Variants in LPAR6 observed in about 807,000 individuals in gnomAD.
The protein encoded by LPAR6 is G-protein coupled purinergic receptor P2Y5.
LPAR6 carries 17 observed loss-of-function variants against 22.0 expected under a neutral mutation model. The ratio of observed to expected loss-of-function variants is 0.77; its 90% CI spans 0.53 to 1.16. The LOEUF (loss-of-function observed/expected upper bound fraction) is 1.16, where lower values mean the gene tolerates loss of function less well. Among genes scored for constraint, LPAR6 ranks in the 50% most tolerant of loss-of-function variants. The pLI, the probability that LPAR6 is intolerant of heterozygous loss-of-function variation, is 0.00. For synonymous variants in LPAR6, 136 were observed against 139.8 expected, an observed-to-expected ratio of 0.97 and a Z score of 0.19; for missense variants, 384 against 406.9, an observed-to-expected ratio of 0.94 and a Z score of 0.48.
downstream of LPAR6, among the ~76,000 whole-genome samples, chr13:48,410,463 A>G (rs1948783601): frequency 6.6e-6 from 1 of 152,212 alleles, no homozygotes; most frequent in South Asian, 2.1e-4. Context: ...TTACCTAAGC[A>G]AGCATCATAA....
At chr13:48,444,580 G>A (rs745715824) in exon 1 of LPAR6, 1 of 152,292 alleles carries the variant, frequency 6.6e-6, no homozygotes, top group African/African-American at 2.4e-5. Flanking sequence ...TATTGCAAAG[G>A]ATACAGATGA....
chr13:48,397,213 T>C (rs1303089798), intron 1 of LPAR6, among the ~76,000 whole-genome samples: 1 of 152,212 alleles, frequency 6.6e-6, no homozygotes, highest in Non-Finnish European at 1.5e-5. Flanking sequence ...ATTGCAGCAC[T>C]ATTCACAATA....
upstream of LPAR6, chr13:48,416,439 G>A (rs890208759): frequency 6.6e-6 from 1 of 152,574 alleles, no homozygotes; most frequent in Middle Eastern, 3.4e-3. Flanking sequence ...ACAACCCTTA[G>A]ACCAGGCAAT....
chr13:48,414,217 C>T (rs1233798198), upstream of LPAR6, among the ~76,000 whole-genome samples: 6 of 151,804 alleles, frequency 4.0e-5, no homozygotes, highest in Admixed American at 1.3e-4. Context: ...GGCAATAGTG[C>T]GTGCCTGTAG....
chr13:48,442,530 A>G (rs1344513122), intron 1 of LPAR6, among the ~76,000 whole-genome samples: 1 of 152,124 alleles, frequency 6.6e-6, no homozygotes, highest in Non-Finnish European at 1.5e-5. Flanking sequence ...TTCCTACTGT[A>G]CTTAGGATAA....
intron 1 of LPAR6, among the ~76,000 whole-genome samples, chr13:48,398,575 C>T (rs1447230143): frequency 1.3e-5 from 2 of 151,800 alleles, no homozygotes; most frequent in African/African-American, 4.8e-5. Flanking sequence ...TACTTCATTA[C>T]ACTTCCCTAG....
rs61741709 is a variant in LPAR6 at position 48,411,789 on chromosome 13, G to C, written c.635C>G (p.Thr212Ser). ...TCSSMVLKTL[T>S]KPVTLSRSKI... ...GCTTCTACTTAATGTAACAGGTTTG[G>C]TTAAAGTTTTTAGCACCATACTAGA... The change falls in exon 1 of 1, where the codon ACC becomes AGC. Residue 212 changes from threonine to serine, a missense_variant. Physicochemically the swap from Thr to Ser is moderately conservative, Grantham distance 58 (BLOSUM62 1). Coordinates refer to ENST00000620633, the MANE Select transcript of LPAR6 (RefSeq NM_001162498.3). 243 of 1,612,130 alleles carry C rather than the reference G, an allele frequency of 1.5e-4. No individual in the cohort carries two copies. The highest frequency in any genetic ancestry group is 1.5e-4 in the Admixed American group (9 of 59,950).
chr13:48,415,800 T>C (rs907899746), upstream of LPAR6: 4 of 152,226 alleles, frequency 2.6e-5, no homozygotes, highest in African/African-American at 7.2e-5. Context: ...GGAAGAGCCA[T>C]AGCAGAGGGA....
rs1414648992 is a variant in LPAR6, at chr13:48,404,596, C to T, written n.114+11104G>A. Among the ~76,000 whole-genome samples the T allele has an allele frequency of 2.6e-5, 4 of 151,820 alleles. No homozygotes were observed. In the East Asian group the frequency reaches 5.8e-4, roughly 22 times the overall value. On this transcript the variant is annotated intron_variant and non_coding_transcript_variant, in intron 1 of 1. Transcript: ENST00000462781. ...GGCTGGAGTGCAATGGTGTGATCTCCGCTCACTGCAACCGCTGCCTCCTAG... is the reference window on the plus strand; with the variant it reads ...GGCTGGAGTGCAATGGTGTGATCTCTGCTCACTGCAACCGCTGCCTCCTAG...
At chr13:48,413,429 G>A (rs1243958031), upstream of LPAR6, among the ~76,000 whole-genome samples, 1 of 152,118 alleles carries the variant, frequency 6.6e-6, no homozygotes, top group Non-Finnish European at 1.5e-5. Context: ...GATTGTTTTC[G>A]TGTTTGGGAT....
At chr13:48,420,100 G>T (rs1010096925) in intron 2 of LPAR6, among the ~76,000 whole-genome samples, 1 of 152,092 alleles carries the variant, frequency 6.6e-6, no homozygotes, top group African/African-American at 2.4e-5. Context: ...GAAAATTTCG[G>T]CCAATATCCT....
At chr13:48,430,412 A>G (rs760494906), upstream of LPAR6, among the ~76,000 whole-genome samples, 12 of 152,214 alleles carry the variant, frequency 7.9e-5, no homozygotes, top group Non-Finnish European at 1.8e-4. Context: ...AAATGACTCC[A>G]TATAAGTTCT....
chr13:48,414,083 C>G (rs1948865578), upstream of LPAR6, among the ~76,000 whole-genome samples: 1 of 152,130 alleles, frequency 6.6e-6, no homozygotes, highest in Non-Finnish European at 1.5e-5. Flanking sequence ...TGCAGTGGCT[C>G]ACGCCTATAA....
chr13:48,430,465 G>A (rs1053166853), upstream of LPAR6, among the ~76,000 whole-genome samples: 1 of 152,148 alleles, frequency 6.6e-6, no homozygotes, highest in Non-Finnish European at 1.5e-5. Flanking sequence ...TAGAGGCCAG[G>A]CACTGTGGCT....
At chr13:48,440,930 T>C (rs1033130731) in intron 1 of LPAR6, among the ~76,000 whole-genome samples, 1 of 152,162 alleles carries the variant, frequency 6.6e-6, no homozygotes, top group African/African-American at 2.4e-5. Flanking sequence ...GGTTTGCTTA[T>C]AATTAAAATG....
At chr13:48,395,606 C>T (rs977122370) in intron 1 of LPAR6, among the ~76,000 whole-genome samples, 4 of 150,288 alleles carry the variant, frequency 2.7e-5, no homozygotes, top group African/African-American at 4.9e-5. Context: ...ATAGCTGAAT[C>T]GATCAAGCAG....
upstream of LPAR6, among the ~76,000 whole-genome samples, chr13:48,428,903 C>T (rs1368788082): frequency 6.6e-6 from 1 of 152,148 alleles, no homozygotes; most frequent in Non-Finnish European, 1.5e-5. Context: ...TTAAAGTAAA[C>T]ACTTATTGAC....
At chr13:48,436,220 C>A (rs1390150985) in intron 1 of LPAR6, among the ~76,000 whole-genome samples, 1 of 152,106 alleles carries the variant, frequency 6.6e-6, no homozygotes, top group African/African-American at 2.4e-5. Flanking sequence ...AATGTTTGAA[C>A]CTATTATATT....
At chr13:48,404,515 G>A (rs536909615) in intron 1 of LPAR6, among the ~76,000 whole-genome samples, 1 of 152,008 alleles carries the variant, frequency 6.6e-6, no homozygotes, top group Admixed American at 6.6e-5. Flanking sequence ...CAAGCATGAT[G>A]AATGAATGTG....
Sources: allele counts gnomAD v4.1 joint callset (sites outside exome capture counted in the v4.1 genomes callset), GRCh38; gene constraint gnomAD v4.1.1; transcripts MANE v1.5; gene names NCBI Gene and HGNC (gene_info 2026-07-23, HGNC 2026-07-21).